C10orf90: variants seen among roughly 807,000 people sequenced by gnomAD.
C10orf90 encodes the protein chromosome 10 open reading frame 90, also known as (E2-independent) E3 ubiquitin-conjugating enzyme FATS.
In C10orf90, 56 loss-of-function variants were observed where a neutral mutation model predicts 62.5. That is an observed-to-expected ratio of 0.90 (90% CI 0.72 to 1.12). The LOEUF (loss-of-function observed/expected upper bound fraction) is 1.12, where lower values mean the gene tolerates loss of function less well. C10orf90 is among the 50% of genes most tolerant of loss of function. C10orf90 has a pLI of 0.00. For missense variants in C10orf90, 970 were observed against 880.4 expected (o/e 1.10, Z -1.29); for synonymous variants, 386 against 340.4 (o/e 1.13, Z -1.47).
intron 4 of C10orf90, among the ~76,000 whole-genome samples, chr10:126,493,948 C>T (rs533035799): frequency 1.2e-4 from 18 of 152,340 alleles, no homozygotes; most frequent in South Asian, 1.0e-3. Flanking sequence ...TCCCCAGCTC[C>T]GCTGGCTGGG....
At chr10:126,434,321 A>G (rs1213318620) in intron 7 of C10orf90, among the ~76,000 whole-genome samples, 1 of 152,182 alleles carries the variant, frequency 6.6e-6, no homozygotes, top group East Asian at 1.9e-4. Context: ...GAAGGCAGCA[A>G]AGATCACCCT....
intron 2 of C10orf90, among the ~76,000 whole-genome samples, chr10:126,628,103 A>T (rs1845782527): frequency 6.6e-6 from 1 of 152,194 alleles, no homozygotes. Context: ...AACACGTGAA[A>T]ACACCTTCGC....
chr10:126,473,352 C>T (rs951975837), intron 4 of C10orf90, among the ~76,000 whole-genome samples: 1 of 152,184 alleles, frequency 6.6e-6, no homozygotes, highest in Non-Finnish European at 1.5e-5. Flanking sequence ...TTTGTTTTAA[C>T]TTAGAAAACC....
At chr10:126,604,150 C>T (rs886390309) in intron 2 of C10orf90, among the ~76,000 whole-genome samples, 6 of 152,214 alleles carry the variant, frequency 3.9e-5, no homozygotes, top group Admixed American at 3.9e-4. Context: ...CAAGGCTGGG[C>T]TCCATCCAGA....
intron 2 of C10orf90, among the ~76,000 whole-genome samples, chr10:126,606,022 C>A (rs1305225054): frequency 6.6e-6 from 1 of 152,056 alleles, no homozygotes; most frequent in African/African-American, 2.4e-5. Context: ...AAATTAGTAG[C>A]CTTGAAATTA....
intron 2 of C10orf90, among the ~76,000 whole-genome samples, chr10:126,630,829 A>G (rs567566216): frequency 1.3e-5 from 2 of 152,306 alleles, no homozygotes; most frequent in South Asian, 4.2e-4. Context: ...CTTACCATCC[A>G]CATCCAATGC....
At chr10:126,476,908 CTTTT>C (rs10590718) in intron 4 of C10orf90, among the ~76,000 whole-genome samples, 23 of 120,766 alleles carry the variant, frequency 1.9e-4, no homozygotes, top group Middle Eastern at 4.4e-3. Flanking sequence ...CACCATTTTC[CTTTT>C]TTTTTTTTTT....
intron 2 of C10orf90, among the ~76,000 whole-genome samples, chr10:126,526,222 A>C: frequency 6.8e-6 from 1 of 146,628 alleles, no homozygotes. Flanking sequence ...GCCTGAGATG[A>C]TCTCTTCTCT....
At chr10:126,437,310 T>A (rs910865409) in intron 7 of C10orf90, among the ~76,000 whole-genome samples, 1 of 152,216 alleles carries the variant, frequency 6.6e-6, no homozygotes, top group Non-Finnish European at 1.5e-5. Context: ...TCCAGTTACC[T>A]TCCAGTCCCT....
chr10:126,490,036 A>ATATATAATATATAT (rs1861660413), intron 4 of C10orf90, among the ~76,000 whole-genome samples: 2 of 93,236 alleles, frequency 2.1e-5, no homozygotes, highest in African/African-American at 8.6e-5. Context: ...ATAATATATA[A>ATATATAATATATAT]TATATATTAT....
chr10:126,554,487 A>C (rs1864714613), intron 2 of C10orf90, among the ~76,000 whole-genome samples: 1 of 152,198 alleles, frequency 6.6e-6, no homozygotes, highest in Non-Finnish European at 1.5e-5. Flanking sequence ...ACATTTGTAA[A>C]ATGCATCAAG....
At chr10:126,534,418 T>G (rs1232520617) in intron 2 of C10orf90, among the ~76,000 whole-genome samples, 2 of 152,196 alleles carry the variant, frequency 1.3e-5, no homozygotes, top group African/African-American at 4.8e-5. Context: ...GCCTCTGCTC[T>G]TAGAGTTGTA....
intron 4 of C10orf90, among the ~76,000 whole-genome samples, chr10:126,485,818 G>A (rs1220358271): frequency 6.6e-6 from 1 of 151,822 alleles, no homozygotes; most frequent in Admixed American, 6.6e-5. Flanking sequence ...GTCGTGGTGG[G>A]CACCTGTAGT....
chr10:126,549,038 T>C (rs1358961642), intron 2 of C10orf90, among the ~76,000 whole-genome samples: 2 of 152,280 alleles, frequency 1.3e-5, no homozygotes, highest in East Asian at 1.9e-4. Flanking sequence ...TAAACTTGAA[T>C]GTAAAACTAT....
At chr10:126,643,125 T>C (rs946091364) in intron 2 of C10orf90, among the ~76,000 whole-genome samples, 2 of 152,232 alleles carry the variant, frequency 1.3e-5, no homozygotes, top group Non-Finnish European at 2.9e-5. Flanking sequence ...TTCAAAATAC[T>C]TCATTGTTCC....
intron 4 of C10orf90, among the ~76,000 whole-genome samples, chr10:126,485,278 C>T (rs1375844384): frequency 2.0e-5 from 3 of 152,222 alleles, no homozygotes; most frequent in Admixed American, 2.0e-4. Flanking sequence ...GGATCTCAGA[C>T]TTCCAGTCTC....
intron 2 of C10orf90, among the ~76,000 whole-genome samples, chr10:126,588,514 C>G (rs1200699453): frequency 2.0e-5 from 3 of 152,192 alleles, no homozygotes; most frequent in Non-Finnish European, 4.4e-5. Flanking sequence ...TCTGCCTTCA[C>G]TGGTGATACC....
chr10:126,664,973 C>T (rs1360203059), intron 1 of C10orf90, among the ~76,000 whole-genome samples: 2 of 152,202 alleles, frequency 1.3e-5, no homozygotes, highest in Admixed American at 6.5e-5. Flanking sequence ...GGCTCTTGGA[C>T]TTCTCATGTC....
chr10:126,573,230 G>A (rs1203724147), intron 2 of C10orf90, among the ~76,000 whole-genome samples: 1 of 152,172 alleles, frequency 6.6e-6, no homozygotes, highest in Non-Finnish European at 1.5e-5. Context: ...ACTGGAGGCT[G>A]CATGCACCTG....
Sources: allele counts gnomAD v4.1 joint callset (sites outside exome capture counted in the v4.1 genomes callset), GRCh38; gene constraint gnomAD v4.1.1; transcripts MANE v1.5; gene names NCBI Gene and HGNC (gene_info 2026-07-23, HGNC 2026-07-21).